CAMK4: variants seen among roughly 807,000 people sequenced by gnomAD.
CAMK4 encodes calcium/calmodulin dependent protein kinase IV.
A neutral mutation model predicts 44.9 loss-of-function variants in CAMK4; 22 were observed. The ratio of observed to expected loss-of-function variants is 0.49; its 90% CI spans 0.35 to 0.70. The LOEUF is 0.70. Ranked by LOEUF, CAMK4 falls within the 30% of genes least tolerant of loss-of-function variation. CAMK4 has a pLI of 0.01. For missense variants in CAMK4, 498 were observed against 586.8 expected (o/e 0.85, Z 1.56); for synonymous variants, 218 against 215.4 (o/e 1.01, Z -0.11).
chr5:111,431,458 T>A (rs1458904645), intron 5 of CAMK4, among the ~76,000 whole-genome samples: 1 of 152,140 alleles, frequency 6.6e-6, no homozygotes, highest in Admixed American at 6.5e-5. Context: ...GGGCAAAGAC[T>A]TTTTGAACAA....
intron 5 of CAMK4, among the ~76,000 whole-genome samples, chr5:111,442,827 T>TTA (rs1464237420): frequency 1.3e-5 from 2 of 149,322 alleles, no homozygotes; most frequent in Non-Finnish European, 3.0e-5. Context: ...AGTTATATTT[T>TTA]TAAATATTTT....
chr5:111,269,052 T>C (rs1412999900), intron 1 of CAMK4, among the ~76,000 whole-genome samples: 1 of 152,188 alleles, frequency 6.6e-6, no homozygotes, highest in African/African-American at 2.4e-5. Flanking sequence ...AATCAAGGCA[T>C]AGAAAATTTG....
In CAMK4 at chr5:111,317,898, TAAAAAAAAA is replaced by T. The variant is rs3066636; in HGVS notation, c.162-26104_162-26096del. On this transcript the variant is annotated intron_variant, in intron 1 of 10. Coordinates refer to ENST00000282356, the MANE Select transcript of CAMK4 (RefSeq NM_001744.6). ...ATCCTAAAGCCGGTGGAGTAATATG[TAAAAAAAAA>T]AAAAAAAAAAAAAAAAAAAAAGGAA... Among the ~76,000 whole-genome samples the T allele has an allele frequency of 8.9e-4, 62 of 69,834 alleles. 2 individuals are homozygous for T. The highest frequency in any genetic ancestry group is 1.2e-3 in the Non-Finnish European group (45 of 37,770). The allele number at this position is 69,834 out of a possible 152,430, so 45.8% of individuals were successfully genotyped here. A position where few individuals can be genotyped will look rare whatever the true frequency, so the allele number is the denominator to read the frequency against.
At chr5:111,361,885 T>G (rs1750605387) in intron 2 of CAMK4, among the ~76,000 whole-genome samples, 1 of 152,042 alleles carries the variant, frequency 6.6e-6, no homozygotes, top group Non-Finnish European at 1.5e-5. Flanking sequence ...AGAATAACAA[T>G]AAAAATAAAA....
chr5:111,268,115 T>G (rs2112576001), intron 1 of CAMK4, among the ~76,000 whole-genome samples: 1 of 152,334 alleles, frequency 6.6e-6, no homozygotes, highest in South Asian at 2.1e-4. Flanking sequence ...GTAGGCCCTC[T>G]ACTACTCATT....
At chr5:111,288,977 A>T (rs1478210228) in intron 1 of CAMK4, among the ~76,000 whole-genome samples, 1 of 152,160 alleles carries the variant, frequency 6.6e-6, no homozygotes, top group African/African-American at 2.4e-5. Context: ...ATTTTCTTAC[A>T]CTTCTGGGTT....
chr5:111,426,217 A>C (rs940106993), intron 5 of CAMK4, among the ~76,000 whole-genome samples: 2 of 152,238 alleles, frequency 1.3e-5, no homozygotes, highest in East Asian at 3.8e-4. Flanking sequence ...AATAACAAAC[A>C]ATTCTGCAAC....
chr5:111,463,223 GA>G lies in CAMK4; in HGVS notation c.626-10084del, dbSNP rs1178908150. Reference sequence around the variant, plus strand: ...CAATAAATGATTATTTACTAATTCAGAAAAGATGATGATTCTAAGTCTTTTA... The same window carrying G: ...CAATAAATGATTATTTACTAATTCAGAAAGATGATGATTCTAAGTCTTTTA... On this transcript the variant is annotated intron_variant, in intron 7 of 10. Transcript: ENST00000282356. Among the ~76,000 whole-genome samples, 6 of 152,136 alleles carry G rather than the reference GA, an allele frequency of 3.9e-5. No individual in the cohort carries two copies. The East Asian group carries it at 1.2e-3, about 29-fold the overall frequency.
chr5:111,287,579 T>C (rs1453417553), intron 1 of CAMK4, among the ~76,000 whole-genome samples: 1 of 152,196 alleles, frequency 6.6e-6, no homozygotes, highest in African/African-American at 2.4e-5. Flanking sequence ...GTCATATTGT[T>C]TTGACTTTTT....
At chr5:111,233,616 T>G (rs1748576348) in intron 1 of CAMK4, among the ~76,000 whole-genome samples, 1 of 152,226 alleles carries the variant, frequency 6.6e-6, no homozygotes. Flanking sequence ...AATTCCTCTA[T>G]TATATTTAGA....
intron 5 of CAMK4, among the ~76,000 whole-genome samples, chr5:111,414,905 T>C (rs1206455915): frequency 6.6e-6 from 1 of 152,184 alleles, no homozygotes; most frequent in African/African-American, 2.4e-5. Context: ...TCAAATATTT[T>C]AGAGATATTA....
At chr5:111,477,573 A>T (rs1755291693) in intron 8 of CAMK4, among the ~76,000 whole-genome samples, 2 of 152,206 alleles carry the variant, frequency 1.3e-5, no homozygotes, top group African/African-American at 4.8e-5. Context: ...TGGTGGTCAC[A>T]AACAACTCGC....
chr5:111,366,376 C>G (rs1306947497), intron 2 of CAMK4, among the ~76,000 whole-genome samples: 1 of 152,046 alleles, frequency 6.6e-6, no homozygotes, highest in Non-Finnish European at 1.5e-5. Flanking sequence ...CACAGGTCAC[C>G]CCAGTTTTCC....
intron 4 of CAMK4, among the ~76,000 whole-genome samples, chr5:111,386,602 A>C (rs1561455249): frequency 6.6e-6 from 1 of 152,358 alleles, no homozygotes; most frequent in Non-Finnish European, 1.5e-5. Context: ...CAAATGCACC[A>C]GAGTCATATG....
chr5:111,375,717 C>T (rs1221318637), intron 3 of CAMK4, among the ~76,000 whole-genome samples: 1 of 152,134 alleles, frequency 6.6e-6, no homozygotes, highest in East Asian at 1.9e-4. Flanking sequence ...AAAAATCAGG[C>T]AGTTTTCTGG....
chr5:111,409,334 C>G (rs1017908351), intron 5 of CAMK4, among the ~76,000 whole-genome samples: 1 of 152,230 alleles, frequency 6.6e-6, no homozygotes, highest in African/African-American at 2.4e-5. Context: ...GGGGCTTGCA[C>G]CTTCTGAAGC....
chr5:111,423,635 T>C (rs1434617990), intron 5 of CAMK4, among the ~76,000 whole-genome samples: 1 of 152,236 alleles, frequency 6.6e-6, no homozygotes, highest in African/African-American at 2.4e-5. Context: ...AGAAATACCA[T>C]CTTATTTTAA....
At chr5:111,377,071 A>T (rs1237742585) in intron 4 of CAMK4, 129 bp downstream of exon 4, 1 of 564,668 alleles carries the variant, frequency 1.8e-6, no homozygotes, top group Non-Finnish European at 3.1e-6. Context: ...CTACTAAAAA[A>T]AGTCTTAAGA....
chr5:111,315,878 A>G (rs1301076489), intron 1 of CAMK4, among the ~76,000 whole-genome samples: 1 of 152,082 alleles, frequency 6.6e-6, no homozygotes, highest in Admixed American at 6.6e-5. Context: ...CATAGCCACA[A>G]TACTTTGTTT....
Sources: gnomAD v4.1 joint callset for allele counts (sites outside exome capture counted in the v4.1 genomes callset) on GRCh38, gnomAD v4.1.1 for gene constraint, MANE v1.5 for transcripts, NCBI Gene and HGNC (gene_info 2026-07-23, HGNC 2026-07-21) for gene names.